RFC3: variants seen among roughly 807,000 people sequenced by gnomAD.
RFC3 encodes replication factor C subunit 3.
Under a neutral mutation model 45.1 loss-of-function variants are expected in RFC3, and 41 were observed. That is an observed-to-expected ratio of 0.91 (90% CI 0.71 to 1.18). The LOEUF (loss-of-function observed/expected upper bound fraction) is 1.18. RFC3 is among the 50% of genes most tolerant of loss of function. The pLI is 0.00. For missense variants in RFC3, 423 were observed against 428.1 expected (o/e 0.99, Z 0.10); for synonymous variants, 149 against 144.0 (o/e 1.03, Z -0.25).
intron 8 of RFC3, among the ~76,000 whole-genome samples, chr13:33,928,742 A>G (rs2082832391): frequency 1.3e-5 from 2 of 152,122 alleles, no homozygotes; most frequent in Non-Finnish European, 2.9e-5. Context: ...TTAAACCTGT[A>G]CAGTGTTGAT....
In RFC3 at chr13:33,869,460, A is replaced by G. The variant is rs541241132; in HGVS notation, c.879+34243A>G. On this transcript the variant is annotated intron_variant, in intron 8 of 8. Coordinates refer to the RFC3 transcript ENST00000434425. ...TTACTCAACTGCTTTTTTTCACAGA[A>G]GAAACTAAAAAATATAAAAATGGAA... is the stretch of plus-strand genomic sequence containing the variant. Among the ~76,000 whole-genome samples, 363 of 152,236 alleles carry G rather than the reference A, an allele frequency of 2.4e-3. 1 individual carries two copies. Among genetic ancestry groups the G allele is most frequent in the Non-Finnish European group, 4.1e-3 (282 of 68,014 alleles).
intron 8 of RFC3, among the ~76,000 whole-genome samples, chr13:33,959,679 T>A (rs1423850019): frequency 6.6e-6 from 1 of 152,130 alleles, no homozygotes; most frequent in Non-Finnish European, 1.5e-5. Context: ...TGGCACTACA[T>A]GGTCTTCATC....
intron 8 of RFC3, chr13:33,835,480 A>C (rs753118522): frequency 4.8e-6 from 3 of 630,100 alleles, no homozygotes; most frequent in South Asian, 4.2e-5. Flanking sequence ...GAGTGTTGTA[A>C]GTGCTGTAAA....
At chr13:33,891,816 T>C (rs2082565104) in intron 8 of RFC3, among the ~76,000 whole-genome samples, 1 of 152,240 alleles carries the variant, frequency 6.6e-6, no homozygotes. Flanking sequence ...CAAGAATATA[T>C]ATATATTTGC....
intron 7 of RFC3, among the ~76,000 whole-genome samples, chr13:33,834,316 A>G (rs1332719045): frequency 3.9e-5 from 5 of 128,358 alleles, no homozygotes; most frequent in African/African-American, 1.4e-4. Context: ...ATATATATAT[A>G]TATATATATA....
At chr13:33,903,270 A>G (rs1433226121) in intron 8 of RFC3, among the ~76,000 whole-genome samples, 1 of 152,098 alleles carries the variant, frequency 6.6e-6, no homozygotes, top group Non-Finnish European at 1.5e-5. Context: ...TCTGTGGTAT[A>G]AATACTCCTA....
intron 8 of RFC3, among the ~76,000 whole-genome samples, chr13:33,880,847 G>A (rs2082478474): frequency 6.6e-6 from 1 of 152,184 alleles, no homozygotes; most frequent in South Asian, 2.1e-4. Context: ...CACAAGGTCA[G>A]GAGTTCGAGA....
intron 8 of RFC3, among the ~76,000 whole-genome samples, chr13:33,856,994 G>C (rs975723850): frequency 6.6e-6 from 1 of 152,018 alleles, no homozygotes; most frequent in South Asian, 2.1e-4. Context: ...GAAGGGGAAG[G>C]GTATTTGTTT....
intron 8 of RFC3, among the ~76,000 whole-genome samples, chr13:33,842,807 A>G (rs2082209338): frequency 6.6e-6 from 1 of 152,194 alleles, no homozygotes; most frequent in South Asian, 2.1e-4. Flanking sequence ...TAGTGGCAGT[A>G]TAAGTCTTGA....
At chr13:33,882,762 CT>C (rs1312330867) in intron 8 of RFC3, among the ~76,000 whole-genome samples, 2 of 152,188 alleles carry the variant, frequency 1.3e-5, no homozygotes, top group Admixed American at 6.5e-5. Context: ...CATAAAACTT[CT>C]TTTATATTCA....
chr13:33,845,845 A>G (rs1383589436), intron 8 of RFC3, among the ~76,000 whole-genome samples: 1 of 152,174 alleles, frequency 6.6e-6, no homozygotes, highest in African/African-American at 2.4e-5. Flanking sequence ...ATGTTCATAG[A>G]TGTATGGACA....
chr13:33,884,947 T>C (rs1189437513), intron 8 of RFC3, among the ~76,000 whole-genome samples: 1 of 152,206 alleles, frequency 6.6e-6, no homozygotes, highest in Non-Finnish European at 1.5e-5. Flanking sequence ...CATACCCAGG[T>C]CATTTCCTGA....
At chr13:33,946,863 T>C (rs574900701) in intron 8 of RFC3, among the ~76,000 whole-genome samples, 1 of 152,348 alleles carries the variant, frequency 6.6e-6, no homozygotes, top group South Asian at 2.1e-4. Context: ...TGAAACCATG[T>C]CGGTGAGCTT....
intron 8 of RFC3, chr13:33,850,848 T>TA: frequency 6.6e-6 from 1 of 152,298 alleles, no homozygotes; most frequent in Non-Finnish European, 1.5e-5. Flanking sequence ...TCACAACTTT[T>TA]TTTTAATTTT....
intron 8 of RFC3, among the ~76,000 whole-genome samples, chr13:33,905,673 T>C (rs2082668204): frequency 6.6e-6 from 1 of 152,078 alleles, no homozygotes; most frequent in Non-Finnish European, 1.5e-5. Flanking sequence ...AAGCTCAGTG[T>C]CTTACACCTA....
In RFC3 at chr13:33,862,684, C is replaced by A. The variant is rs150169379; in HGVS notation, c.879+27467C>A. On this transcript the variant is annotated intron_variant, in intron 8 of 8. Coordinates refer to the RFC3 transcript ENST00000434425. ...TTGACATTCTATATTTTGATATATT[C>A]ATATATCTTCATATACATATTGAAA... 5.5e-3 allele frequency among the ~76,000 whole-genome samples: 839 copies of A among 152,150 alleles called. 5 individuals are homozygous for A. The highest frequency in any genetic ancestry group is 0.019 in the African/African-American group (786 of 41,504).
At chr13:33,968,698 G>A (rs867528591), downstream of RFC3, among the ~76,000 whole-genome samples, 8 of 152,126 alleles carry the variant, frequency 5.3e-5, no homozygotes, top group Non-Finnish European at 8.8e-5. Context: ...AGCAAAATTC[G>A]GAGAGGACAC....
intron 8 of RFC3, among the ~76,000 whole-genome samples, chr13:33,924,221 C>A (rs892305225): frequency 4.0e-5 from 6 of 150,762 alleles, no homozygotes; most frequent in Non-Finnish European, 8.9e-5. Flanking sequence ...CATATTAGTT[C>A]ACTTATTCTT....
chr13:33,968,771 A>G (rs998001252), downstream of RFC3, among the ~76,000 whole-genome samples: 3 of 152,208 alleles, frequency 2.0e-5, no homozygotes, highest in Admixed American at 2.0e-4. Flanking sequence ...ACCCTTTCAG[A>G]AAGAAGATTG....
Sources: gnomAD v4.1 joint callset for allele counts (sites outside exome capture counted in the v4.1 genomes callset) on GRCh38, gnomAD v4.1.1 for gene constraint, MANE v1.5 for transcripts, NCBI Gene and HGNC (gene_info 2026-07-23, HGNC 2026-07-21) for gene names.